Variants in OCA2 observed in about 807,000 individuals in gnomAD.
OCA2 encodes the protein P protein.
A neutral mutation model predicts 100.2 loss-of-function variants in OCA2; 77 were observed. The observed-to-expected ratio is 0.77, with a 90% confidence interval of 0.64 to 0.93. The LOEUF is 0.93. Among genes scored for constraint, OCA2 ranks in the 40% least tolerant of loss-of-function variants. OCA2 has a pLI of 0.00. For missense variants in OCA2, 1,062 were observed against 1,089.1 expected, an observed-to-expected ratio of 0.98 and a Z score of 0.35; for synonymous variants, 432 against 439.2, an observed-to-expected ratio of 0.98 and a Z score of 0.21.
chr15:27,817,337 C>G (rs1243832676), intron 23 of OCA2, among the ~76,000 whole-genome samples: 1 of 152,222 alleles, frequency 6.6e-6, no homozygotes, highest in African/African-American at 2.4e-5. Context: ...TCAGAGCCAT[C>G]TGCTGCCTGT....
At chr15:28,029,011 G>T (rs192180262) in intron 3 of OCA2, among the ~76,000 whole-genome samples, 3 of 152,140 alleles carry the variant, frequency 2.0e-5, no homozygotes, top group Admixed American at 6.6e-5. Flanking sequence ...TTGAATCCCT[G>T]ACCTGATCAG....
intron 9 of OCA2, among the ~76,000 whole-genome samples, chr15:28,012,631 T>C (rs993313051): frequency 1.3e-5 from 2 of 152,190 alleles, no homozygotes; most frequent in Admixed American, 1.3e-4. Flanking sequence ...AAATGGCTTT[T>C]TGTAGAGAAG....
chr15:27,898,600 G>A (rs769485302), intron 19 of OCA2, among the ~76,000 whole-genome samples: 3 of 152,114 alleles, frequency 2.0e-5, no homozygotes, highest in Non-Finnish European at 4.4e-5. Flanking sequence ...TATCAGCAGC[G>A]TGAGAACAGA....
intron 2 of OCA2, among the ~76,000 whole-genome samples, chr15:28,058,508 C>CCACCATGCCCAGCT (rs142037890): frequency 6.6e-6 from 1 of 151,948 alleles, no homozygotes; most frequent in South Asian, 2.1e-4. Context: ...CCACCACCCA[C>CCACCATGCCCAGCT]CCTGCCACCC....
At chr15:27,928,946 A>T (rs2039145992) in intron 18 of OCA2, among the ~76,000 whole-genome samples, 1 of 152,220 alleles carries the variant, frequency 6.6e-6, no homozygotes, top group Non-Finnish European at 1.5e-5. Flanking sequence ...GGCCATTAAT[A>T]TCAGGGACTA....
intron 1 of OCA2, among the ~76,000 whole-genome samples, chr15:28,095,073 T>G (rs1052179509): frequency 2.0e-5 from 3 of 152,230 alleles, no homozygotes; most frequent in African/African-American, 7.2e-5. Flanking sequence ...AGAGCGGTGC[T>G]GCCGGCGCTC....
intron 14 of OCA2, among the ~76,000 whole-genome samples, chr15:27,979,210 T>C (rs187803718): frequency 6.9e-4 from 105 of 152,342 alleles, no homozygotes; most frequent in Non-Finnish European, 1.4e-3. Context: ...ATGTAAGTGT[T>C]CTGAGCACAT....
downstream of OCA2, among the ~76,000 whole-genome samples, chr15:27,752,696 C>G (rs374645166): frequency 3.5e-5 from 5 of 144,680 alleles, no homozygotes; most frequent in African/African-American, 1.3e-4. Flanking sequence ...ACCCCCGGCC[C>G]TGGCTACCAA....
intron 2 of OCA2, among the ~76,000 whole-genome samples, chr15:28,074,445 C>T (rs947919000): frequency 2.6e-5 from 4 of 151,824 alleles, no homozygotes; most frequent in African/African-American, 9.7e-5. Context: ...GAGGCCGAGG[C>T]GGGCGGATCA....
intron 23 of OCA2, among the ~76,000 whole-genome samples, chr15:27,820,165 G>C (rs2034451481): frequency 6.6e-6 from 1 of 152,178 alleles, no homozygotes; most frequent in South Asian, 2.1e-4. Context: ...TAAATGATTG[G>C]AGAAGCATAA....
intron 23 of OCA2, among the ~76,000 whole-genome samples, chr15:27,789,676 T>G (rs1302801569): frequency 1.3e-5 from 2 of 152,228 alleles, no homozygotes; most frequent in African/African-American, 4.8e-5. Context: ...ACCTATTAAA[T>G]GTCTGGCTAG....
chr15:27,927,686 G>C (rs2039091414), intron 18 of OCA2, among the ~76,000 whole-genome samples: 1 of 151,108 alleles, frequency 6.6e-6, no homozygotes, highest in East Asian at 2.0e-4. Flanking sequence ...ACCAACATTT[G>C]ATCAGCCTTT....
intron 15 of OCA2, among the ~76,000 whole-genome samples, chr15:27,959,291 A>G (rs544190161): frequency 1.3e-5 from 2 of 152,362 alleles, no homozygotes; most frequent in African/African-American, 4.8e-5. Context: ...TCAGAGAAAC[A>G]GATCCAAAAT....
intron 16 of OCA2, among the ~76,000 whole-genome samples, chr15:27,955,797 T>G (rs913374732): frequency 1.9e-4 from 29 of 152,258 alleles, no homozygotes; most frequent in African/African-American, 7.0e-4. Flanking sequence ...TCCATGCTGC[T>G]CCTGCCGGGG....
intron 9 of OCA2, among the ~76,000 whole-genome samples, chr15:28,002,471 G>A (rs939377316): frequency 1.3e-5 from 2 of 152,162 alleles, no homozygotes; most frequent in Non-Finnish European, 2.9e-5. Flanking sequence ...ATGCCCACTC[G>A]GAGGCTGTGG....
rs368126732 is a variant in OCA2, at chr15:27,926,163, G to C, written c.2043C>G (p.Thr681=). 6.4e-5 allele frequency: 103 copies of C among 1,613,854 alleles called. No homozygotes were observed. The highest frequency in any genetic ancestry group is 8.1e-5 in the Non-Finnish European group (95 of 1,179,958). ...EIILHRVEWA[T]LLFFAALFVL... ...CAAAGAGCGCTGCAAAAAACAGAAG[G>C]GTTGCCCATTCCACTCTGTGTAGAA... is the stretch of plus-strand genomic sequence containing the variant. Residue 681 remains threonine (T), a synonymous_variant, in exon 19 of 24, where the codon ACC becomes ACG. Coordinates refer to ENST00000354638, the MANE Select transcript of OCA2 (RefSeq NM_000275.3).
rs143126938 is a variant in OCA2 at position 27,908,589 on chromosome 15, G to A, written c.2079+17538C>T. 1.6e-3 allele frequency among the ~76,000 whole-genome samples: 239 copies of A among 152,280 alleles called. 2 individuals are homozygous for A. The highest frequency in any genetic ancestry group is 5.5e-3 in the African/African-American group (229 of 41,552). Reference sequence around the variant, plus strand: ...CCATTCATTACAGCCATGAAGTAAGGACACACAGCCAGATCATAAGGGGAA... The same window carrying A: ...CCATTCATTACAGCCATGAAGTAAGAACACACAGCCAGATCATAAGGGGAA... On this transcript the variant is annotated intron_variant, in intron 19 of 23. Coordinates refer to ENST00000354638, the MANE Select transcript of OCA2 (RefSeq NM_000275.3).
At chr15:27,727,888 C>T in the OCA2 span, among the ~76,000 whole-genome samples, 1 of 152,194 alleles carries the variant, frequency 6.6e-6, no homozygotes, top group Non-Finnish European at 1.5e-5. Context: ...ACTTTAAACA[C>T]ATCTGCAAAG....
intron 19 of OCA2, among the ~76,000 whole-genome samples, chr15:27,882,805 C>A (rs551987792): frequency 6.6e-6 from 1 of 152,204 alleles, no homozygotes; most frequent in Non-Finnish European, 1.5e-5. Flanking sequence ...CTGTATCACA[C>A]GTGTATCATC....
Sources: gnomAD v4.1 joint callset for allele counts (sites outside exome capture counted in the v4.1 genomes callset) on GRCh38, gnomAD v4.1.1 for gene constraint, MANE v1.5 for transcripts, NCBI Gene and HGNC (gene_info 2026-07-23, HGNC 2026-07-21) for gene names.